Variants in NDUFAF1 observed in about 807,000 individuals in gnomAD.
NDUFAF1 encodes complex I intermediate-associated protein 30, mitochondrial.
NDUFAF1 carries 18 observed loss-of-function variants against 28.7 expected under a neutral mutation model. The ratio of observed to expected loss-of-function variants is 0.63; its 90% confidence interval spans 0.43 to 0.93. The LOEUF (loss-of-function observed/expected upper bound fraction) is 0.93, where lower values mean the gene tolerates loss of function less well. Among genes scored for constraint, NDUFAF1 ranks in the 40% least tolerant of loss-of-function variants. The pLI is 0.00. For missense variants in NDUFAF1, 404 were observed against 398.3 expected, an observed-to-expected ratio of 1.01 and a Z score of -0.12; for synonymous variants, 113 against 139.7, an observed-to-expected ratio of 0.81 and a Z score of 1.35.
intron 1 of NDUFAF1, among the ~76,000 whole-genome samples, chr15:41,400,386 A>G (rs1031009410): frequency 9.8e-4 from 148 of 151,776 alleles, no homozygotes; most frequent in African/African-American, 3.4e-3. Context: ...AAAAAAAAAA[A>G]AATAGAGATG....
At position 41,395,034 on chromosome 15, in the gene NDUFAF1, TCAAAA is replaced by T. The variant is rs1378318527; in HGVS notation, c.579_583del (p.Phe194GlufsTer43). The T allele has an allele frequency of 6.2e-7, 1 of 1,614,008 alleles. No homozygotes were observed. The highest frequency in any genetic ancestry group is 1.1e-5 in the South Asian group (1 of 91,070). ...GGACCAATCGTAAGACATCTTCCTC[TCAAAA>T]GCACCCTAAGATATTGAAAGTAAAG... On this transcript the variant is annotated frameshift_variant, in exon 3 of 5. Transcript: ENST00000260361. LOFTEE classifies it high-confidence loss of function.
At chr15:41,400,752 T>C (rs765998382) in intron 1 of NDUFAF1, among the ~76,000 whole-genome samples, 100 of 142,236 alleles carry the variant, frequency 7.0e-4, no homozygotes, top group Non-Finnish European at 1.3e-3. Context: ...TTAGCCAGGA[T>C]GGTCTCGATC....
chr15:41,397,166 TTATCA>T, intron 1 of NDUFAF1, 26 bp from the exon 2 acceptor site: 1 of 875,588 alleles, frequency 1.1e-6, no homozygotes, highest in South Asian at 1.5e-5. Flanking sequence ...CATTGAAGAA[TTATCA>T]GCATAGCAAT....
In NDUFAF1 at chr15:41,387,435, A is replaced by C; in HGVS notation, c.*9T>G. On this transcript the variant is annotated 3_prime_UTR_variant, in exon 5 of 5. Coordinates refer to ENST00000260361, the MANE Select transcript of NDUFAF1 (RefSeq NM_016013.4). ...CTTAGATTAGTAAAACAAAACTACC[A>C]TATGATCTTTATTTAAAAAGCCTTG... 1 of 1,612,560 alleles carries C rather than the reference A, an allele frequency of 6.2e-7. No individual in the cohort carries two copies. Among genetic ancestry groups the C allele is most frequent in the Non-Finnish European group, 8.5e-7 (1 of 1,178,628 alleles).
At position 41,396,860 on chromosome 15, in the gene NDUFAF1, A is replaced by G; in HGVS notation, c.200T>C (p.Val67Ala). 6.2e-7 allele frequency: 1 copy of G among 1,614,106 alleles called. No homozygotes were observed. The highest frequency in any genetic ancestry group is 8.5e-7 in the Non-Finnish European group (1 of 1,180,030). The stretch of plus-strand genomic sequence containing the variant: ...CTCAGAAGAAGTTATATCCAAAGCA[A>G]CTTCTTTCTGGTGATCTCCTTGCAA... Reference protein sequence around the residue: ...GDLQGDHQKEVALDITSSEEK... With the variant: ...GDLQGDHQKEAALDITSSEEK... The change falls in exon 2 of 5, where the codon GTT (valine) becomes GCT (alanine). Residue 67 changes from valine to alanine, a missense_variant. Physicochemically the swap from Val to Ala is moderately conservative, Grantham distance 64 (BLOSUM62 0). Transcript: ENST00000260361.
intron 3 of NDUFAF1, chr15:41,394,106 G>A (rs531111826): frequency 3.0e-5 from 10 of 338,940 alleles, no homozygotes; most frequent in East Asian, 1.8e-4. Flanking sequence ...TCGGCTCACC[G>A]AAACCTCCGC....
chr15:41,387,456 C>T lies in NDUFAF1; in HGVS notation c.972G>A (p.Arg324=), dbSNP rs766176644. The change falls in exon 5 of 5, where the codon AGG becomes AGA. Residue 324 remains arginine (R), a synonymous_variant. Transcript: ENST00000260361. The part of the protein sequence containing the change: ...AYENSPELNP[R]LFK ...TACCATATGATCTTTATTTAAAAAG[C>T]CTTGGGTTAAGCTCTGGAGAATTTT... The T allele has an allele frequency of 6.8e-6, 11 of 1,613,402 alleles. No homozygotes were observed. Among genetic ancestry groups the T allele is most frequent in the Admixed American group, 3.3e-5 (2 of 59,962 alleles).
Position 41,393,951 on chromosome 15 carries a change from T to A in NDUFAF1, c.759+908A>T, listed in dbSNP as rs549779607. On this transcript the variant is annotated intron_variant, in intron 3 of 4. Coordinates refer to ENST00000260361, the MANE Select transcript of NDUFAF1 (RefSeq NM_016013.4). Reference sequence around the variant, plus strand: ...CTCAAACTCCTGATCTCAGGTGATTTACCCACCTTGGCCTCCCAAAGTGCT... The same window carrying A: ...CTCAAACTCCTGATCTCAGGTGATTAACCCACCTTGGCCTCCCAAAGTGCT... Among the ~76,000 whole-genome samples, 816 of 148,432 alleles carry A rather than the reference T, an allele frequency of 5.5e-3. 6 individuals carry two copies. The highest frequency in any genetic ancestry group is 8.3e-3 in the Non-Finnish European group (559 of 67,214).
chr15:41,395,151 G>C, intron 2 of NDUFAF1, 107 bp from the exon 3 acceptor site: 2 of 1,008,082 alleles, frequency 2.0e-6, no homozygotes, highest in Non-Finnish European at 3.0e-6. Context: ...CCATTTTTCT[G>C]ACTTTCTGCC....
intron 3 of NDUFAF1, among the ~76,000 whole-genome samples, chr15:41,393,276 C>A (rs1362936128): frequency 6.6e-6 from 1 of 150,816 alleles, no homozygotes; most frequent in East Asian, 1.9e-4. Flanking sequence ...AGGCACACAC[C>A]ACCATGCCCG....
At position 41,396,908 on chromosome 15, in the gene NDUFAF1, G is replaced by A. The variant is rs1295429197; in HGVS notation, c.152C>T (p.Ser51Leu). 3 of 1,614,062 alleles carry A rather than the reference G, an allele frequency of 1.9e-6. No individual in the cohort carries two copies. The highest frequency in any genetic ancestry group is 2.5e-6 in the Non-Finnish European group (3 of 1,180,028). ...KPVASPGKAS[S>L]QRKTEGDLQG... is the part of the protein sequence containing the mutation. ...CAAATCCCCTTCAGTCTTCCTCTGT[G>A]AGGAGGCTTTGCCAGGAGAAGCCAC... Residue 51 changes from serine to leucine, a missense_variant, in exon 2 of 5, where the codon TCA (serine) becomes TTA (leucine). Coordinates refer to ENST00000260361, the MANE Select transcript of NDUFAF1 (RefSeq NM_016013.4).
chr15:41,402,833 G>A (rs1415653493), upstream of NDUFAF1, among the ~76,000 whole-genome samples: 1 of 147,648 alleles, frequency 6.8e-6, no homozygotes, highest in South Asian at 2.2e-4. Flanking sequence ...CCAGATTCAA[G>A]CGATTCTCCT....
chr15:41,397,823 G>A (rs1417196777), intron 1 of NDUFAF1, among the ~76,000 whole-genome samples: 5 of 142,870 alleles, frequency 3.5e-5, no homozygotes, highest in Non-Finnish European at 7.6e-5. Flanking sequence ...AAAAAAAATT[G>A]AGACCATCCT....
chr15:41,397,127 T>A lies in NDUFAF1; in HGVS notation c.-68A>T. The A allele has an allele frequency of 7.6e-7, 1 of 1,318,000 alleles. No individual in the cohort carries two copies. Among genetic ancestry groups the A allele is most frequent in the Non-Finnish European group, 1.1e-6 (1 of 923,086 alleles). The allele number at this position is 1,318,000 out of a possible 1,614,324, so 81.6% of individuals were successfully genotyped here. ...AGGGCCACCAAGAAGCTTCAGCAAA[T>A]AGCCCAATTCTACCTATAACAGAAG... On this transcript the variant is annotated 5_prime_UTR_variant, in exon 2 of 5. Coordinates refer to ENST00000260361, the MANE Select transcript of NDUFAF1 (RefSeq NM_016013.4).
At chr15:41,392,064 T>G (rs932927458) in intron 3 of NDUFAF1, among the ~76,000 whole-genome samples, 1 of 145,404 alleles carries the variant, frequency 6.9e-6, no homozygotes, top group African/African-American at 2.5e-5. Flanking sequence ...TTGGACTTTA[T>G]TCTTTTTTTT....
In NDUFAF1 at chr15:41,387,602, A is replaced by G. The variant is rs781607304; in HGVS notation, c.835-9T>C. The G allele has an allele frequency of 1.9e-5, 31 of 1,597,010 alleles. No individual in the cohort carries two copies. The highest frequency in any genetic ancestry group is 2.6e-5 in the Non-Finnish European group (30 of 1,164,574). On this transcript the variant is annotated splice_polypyrimidine_tract_variant and intron_variant, in intron 4 of 4. Coordinates refer to ENST00000260361, the MANE Select transcript of NDUFAF1 (RefSeq NM_016013.4). ...AATCCTATAGAAGAGATCTAAATTT[A>G]AAATACAGAAATTGATTAAAATCTC... is the stretch of plus-strand genomic sequence containing the variant.
intron 3 of NDUFAF1, among the ~76,000 whole-genome samples, chr15:41,391,419 G>A (rs547039064): frequency 1.3e-5 from 2 of 151,782 alleles, no homozygotes; most frequent in African/African-American, 2.4e-5. Context: ...TCAGGAGTTC[G>A]AAACCAGCCT....
intron 3 of NDUFAF1, among the ~76,000 whole-genome samples, chr15:41,390,658 G>A (rs373460250): frequency 2.6e-5 from 4 of 151,638 alleles, no homozygotes; most frequent in East Asian, 1.9e-4. Flanking sequence ...CCGGGAGGCG[G>A]AGCTTGCAGT....
chr15:41,396,641 G>C lies in NDUFAF1; in HGVS notation c.419C>G (p.Ser140Cys). 6.2e-7 allele frequency: 1 copy of C among 1,614,088 alleles called. No individual in the cohort carries two copies. ...KEDLDKWTVT[S>C]DKTIGGRSEV... is the part of the protein sequence containing the mutation. The stretch of plus-strand genomic sequence containing the variant: ...ACTTCTGCCTCCAATCGTCTTATCA[G>C]AAGTCACTGTCCACTTATCCAAATC... Residue 140 changes from serine to cysteine, a missense_variant, in exon 2 of 5, where the codon TCT becomes TGT. Physicochemically the swap from Ser to Cys is moderately radical, Grantham distance 112. Coordinates refer to ENST00000260361, the MANE Select transcript of NDUFAF1 (RefSeq NM_016013.4).
Sources: allele counts gnomAD v4.1 joint callset (sites outside exome capture counted in the v4.1 genomes callset), GRCh38; gene constraint gnomAD v4.1.1; transcripts MANE v1.5; gene names NCBI Gene and HGNC (gene_info 2026-07-23, HGNC 2026-07-21).